DNAH6: variants seen among roughly 807,000 people sequenced by gnomAD.
DNAH6 encodes the protein axonemal beta dynein heavy chain 6.
DNAH6 carries 340 observed loss-of-function variants against 491.4 expected under a neutral mutation model. That is an observed-to-expected ratio of 0.69 (90% CI 0.63 to 0.76). DNAH6 has a LOEUF of 0.76. DNAH6 is among the 30% of genes least tolerant of loss of function. DNAH6 has a pLI of 0.00. For synonymous variants in DNAH6, 1,603 were observed against 1,686.1 expected, an observed-to-expected ratio of 0.95 and a Z score of 1.21; for missense variants, 4,443 against 4,972.2, an observed-to-expected ratio of 0.89 and a Z score of 3.20.
chr2:84,604,093 C>G (rs188483345), intron 18 of DNAH6, among the ~76,000 whole-genome samples: 1 of 152,172 alleles, frequency 6.6e-6, no homozygotes, highest in African/African-American at 2.4e-5. Flanking sequence ...TGCTGTTTCT[C>G]CTTGTGGAGA....
At chr2:84,549,863 T>G in intron 8 of DNAH6, 26 bp from the exon 9 acceptor site, 1 of 1,560,140 alleles carries the variant, frequency 6.4e-7, no homozygotes, top group Non-Finnish European at 8.7e-7. Flanking sequence ...GAAACCGAAA[T>G]TGTATTAGTT....
rs555081935 is a variant in DNAH6 at position 84,619,752 on chromosome 2, C to T, written c.3640C>T (p.Gln1214Ter). ...LAQTRNPQAV[Q>*]PHLRKCFDSI... ...CCAGACACGAAATCCACAGGCCGTG[C>T]AGCCACACTTAAGGAAATGCTTCGA... The change falls in exon 24 of 77, where the codon CAG (glutamine) becomes TAG (stop). Residue 1214 changes from glutamine (Q) to a stop codon, truncating the protein, a stop_gained. Transcript: ENST00000389394. LOFTEE classifies it high-confidence loss of function. The T allele has an allele frequency of 6.4e-7, 1 of 1,551,680 alleles. No homozygotes were observed. The highest frequency in any genetic ancestry group is 1.4e-5 in the African/African-American group (1 of 73,128).
intron 62 of DNAH6, among the ~76,000 whole-genome samples, chr2:84,740,265 G>A (rs1672389584): frequency 6.6e-6 from 1 of 152,102 alleles, no homozygotes. Flanking sequence ...CTAGTAGATG[G>A]TGCTTAAGAG....
intron 11 of DNAH6, 125 bp downstream of exon 11, chr2:84,558,060 C>T: frequency 1.7e-6 from 1 of 578,420 alleles, no homozygotes; most frequent in Non-Finnish European, 2.8e-6. Context: ...GCCTAAATCT[C>T]TAAATGGTAA....
At chr2:84,784,517 A>G (rs993139404) in intron 65 of DNAH6, among the ~76,000 whole-genome samples, 1 of 152,170 alleles carries the variant, frequency 6.6e-6, no homozygotes, top group African/African-American at 2.4e-5. Flanking sequence ...TAGACTGCCA[A>G]ACCTTCCTAA....
chr2:84,767,257 G>A (rs1675161327), intron 64 of DNAH6, among the ~76,000 whole-genome samples: 1 of 152,138 alleles, frequency 6.6e-6, no homozygotes, highest in South Asian at 2.1e-4. Context: ...ACTGAGCCAG[G>A]CACAGTGGCT....
intron 16 of DNAH6, among the ~76,000 whole-genome samples, chr2:84,590,712 A>C (rs1339640103): frequency 6.6e-6 from 1 of 152,086 alleles, no homozygotes; most frequent in Admixed American, 6.6e-5. Context: ...CAAGTATAAA[A>C]TCAGCTGATG....
chr2:84,745,410 A>G (rs1377207420), intron 63 of DNAH6, among the ~76,000 whole-genome samples, 161 bp downstream of exon 63: 1 of 152,250 alleles, frequency 6.6e-6, no homozygotes, highest in Non-Finnish European at 1.5e-5. Flanking sequence ...TCACGCCTGT[A>G]ATCCCAGCAC....
the DNAH6 span, among the ~76,000 whole-genome samples, chr2:84,500,495 A>T: frequency 6.6e-6 from 1 of 152,178 alleles, no homozygotes; most frequent in Non-Finnish European, 1.5e-5. Flanking sequence ...TTTGCTCAGG[A>T]TAGCTTTGGC....
Position 84,808,183 on chromosome 2 carries a change from A to C in DNAH6, c.11612-232A>C, listed in dbSNP as rs190848097. Among the ~76,000 whole-genome samples the C allele has an allele frequency of 3.2e-4, 48 of 151,790 alleles. No individual in the cohort carries two copies. In the East Asian group the frequency reaches 6.0e-3, roughly 19 times the overall value. ...TGTGTGTGTGTGTATGCCCTGATAC[A>C]CTGATACACATGAATTTAAACATAA... On this transcript the variant is annotated intron_variant, in intron 71 of 76. Transcript: ENST00000389394.
chr2:84,653,220 G>A (rs1690620954), intron 33 of DNAH6, 99 bp from the exon 34 acceptor site: 1 of 1,033,020 alleles, frequency 9.7e-7, no homozygotes. Context: ...AAAGATCAAT[G>A]AGAAACAATA....
At chr2:84,624,809 GA>G in intron 28 of DNAH6, 92 bp from the exon 29 acceptor site, 1 of 1,346,808 alleles carries the variant, frequency 7.4e-7, no homozygotes, top group Non-Finnish European at 9.9e-7. Flanking sequence ...ATTTTTCATA[GA>G]AAATAATAAT....
intron 37 of DNAH6, among the ~76,000 whole-genome samples, chr2:84,666,718 T>C (rs1314909978): frequency 6.6e-6 from 1 of 152,168 alleles, no homozygotes; most frequent in African/African-American, 2.4e-5. Flanking sequence ...AAGCTACCAA[T>C]GACTTTCTTC....
At chr2:84,801,370 A>T (rs1212243781) in intron 70 of DNAH6, among the ~76,000 whole-genome samples, 1 of 152,200 alleles carries the variant, frequency 6.6e-6, no homozygotes, top group Non-Finnish European at 1.5e-5. Context: ...TGCAGATACA[A>T]GAAATCCAGA....
At chr2:84,699,287 T>C (rs527693947) in intron 47 of DNAH6, among the ~76,000 whole-genome samples, 45 of 152,296 alleles carry the variant, frequency 3.0e-4, no homozygotes, top group African/African-American at 1.0e-3. Flanking sequence ...AGATGTCTTC[T>C]GCCCCACAGC....
At chr2:84,561,423 A>G (rs1680661611) in intron 11 of DNAH6, among the ~76,000 whole-genome samples, 1 of 152,208 alleles carries the variant, frequency 6.6e-6, no homozygotes, top group African/African-American at 2.4e-5. Context: ...TAGACCTAAA[A>G]CCATAAAAAC....
rs770970909 is a variant in DNAH6, at chr2:84,595,639, T to C, written c.2725-7T>C. On this transcript the variant is annotated splice_region_variant and splice_polypyrimidine_tract_variant and intron_variant, in intron 17 of 76. Coordinates refer to ENST00000389394, the MANE Select transcript of DNAH6 (RefSeq NM_001370.2). ...CTTGTTTTGCTTTGTTTTTAAATTT[T>C]TCATAGTCCAAATTTGATTGCCTGG... 113 of 1,517,760 alleles carry C rather than the reference T, an allele frequency of 7.4e-5. 1 individual carries two copies. The highest frequency in any genetic ancestry group is 9.6e-5 in the Non-Finnish European group (109 of 1,134,722). 94.0% of individuals were successfully genotyped at this position (1,517,760 alleles called of 1,614,324 possible). A position where few individuals can be genotyped will look rare whatever the true frequency, so the allele number is the denominator to read the frequency against.
In DNAH6 at chr2:84,658,414, T is replaced by C. The variant is rs759388964; in HGVS notation, c.5880T>C (p.Thr1960=). Residue 1960 remains threonine, a synonymous_variant, in exon 36 of 77, where the codon ACT becomes ACC. Transcript: ENST00000389394. The part of the protein sequence containing the change: ...AIPQVDISKV[T]TLCCLLESLI... ...CACAAGTGGACATCAGCAAAGTTAC[T>C]ACACTCTGTTGCTTATTGGAGTCCT... 1.3e-6 allele frequency: 2 copies of C among 1,548,182 alleles called. No homozygotes were observed.
chr2:84,466,163 A>G, the DNAH6 span, among the ~76,000 whole-genome samples: 1 of 152,326 alleles, frequency 6.6e-6, no homozygotes, highest in African/African-American at 2.4e-5. Flanking sequence ...TTATTTACTT[A>G]ACTTCTTTAC....
Sources: allele counts gnomAD v4.1 joint callset (sites outside exome capture counted in the v4.1 genomes callset), GRCh38; gene constraint gnomAD v4.1.1; transcripts MANE v1.5; gene names NCBI Gene and HGNC (gene_info 2026-07-23, HGNC 2026-07-21).